CWF19L2: variants seen among roughly 807,000 people sequenced by gnomAD.
The protein encoded by CWF19L2 is CWF19 like cell cycle control factor 2, also known as CWF19-like protein 2.
Under a neutral mutation model 111.7 loss-of-function variants are expected in CWF19L2, and 98 were observed. That is an observed-to-expected ratio of 0.88 (90% confidence interval 0.75 to 1.04). The LOEUF (loss-of-function observed/expected upper bound fraction) is 1.04, where lower values mean the gene tolerates loss of function less well. CWF19L2 is among the 50% of genes least tolerant of loss of function. The probability of loss-of-function intolerance (pLI) is 0.00; values close to 1 mark genes in which losing one functional copy is unlikely to be tolerated. For missense variants in CWF19L2, 1,101 were observed against 1,051.4 expected, an observed-to-expected ratio of 1.05 and a Z score of -0.65; for synonymous variants, 351 against 342.9, an observed-to-expected ratio of 1.02 and a Z score of -0.26.
chr11:107,364,310 G>A (rs2134562699), intron 12 of CWF19L2, among the ~76,000 whole-genome samples: 1 of 145,800 alleles, frequency 6.9e-6, no homozygotes, highest in Non-Finnish European at 1.5e-5. Context: ...ACTCAGCTCT[G>A]CCTCAAGCGG....
Position 107,428,781 on chromosome 11 carries a change from T to TA in CWF19L2, c.1433+17dup, listed in dbSNP as rs777823143. 1.3e-6 allele frequency: 2 copies of TA among 1,574,428 alleles called. No homozygotes were observed. Among genetic ancestry groups the TA allele is most frequent in the South Asian group, 1.2e-5 (1 of 84,892 alleles). ...CTCTCTGGATCTTAACTTATTAGGT[T>TA]AAAAAATGATAAAATACCCAGCAAA... On this transcript the variant is annotated intron_variant, in intron 8 of 17. Coordinates refer to ENST00000282251, the MANE Select transcript of CWF19L2 (RefSeq NM_152434.3).
intron 2 of CWF19L2, 30 bp downstream of exon 2, chr11:107,455,636 C>A: frequency 7.8e-7 from 1 of 1,282,708 alleles, no homozygotes; most frequent in Non-Finnish European, 1.1e-6. Flanking sequence ...GACAGATATC[C>A]TTACATCACG....
At chr11:107,361,307 A>T (rs556713835) in intron 12 of CWF19L2, among the ~76,000 whole-genome samples, 5 of 152,282 alleles carry the variant, frequency 3.3e-5, no homozygotes, top group Non-Finnish European at 7.4e-5. Context: ...TGTTCCATTG[A>T]TCTGGCTGTC....
At chr11:107,391,863 T>C (rs1860852983) in intron 11 of CWF19L2, among the ~76,000 whole-genome samples, 1 of 152,236 alleles carries the variant, frequency 6.6e-6, no homozygotes, top group Admixed American at 6.5e-5. Flanking sequence ...CTTTTCATTA[T>C]ACTCAAAGAG....
intron 12 of CWF19L2, among the ~76,000 whole-genome samples, chr11:107,365,283 C>T (rs1860422062): frequency 7.2e-6 from 1 of 138,496 alleles, no homozygotes; most frequent in Non-Finnish European, 1.6e-5. Context: ...GAAACTATTC[C>T]AATCAATAGA....
intron 9 of CWF19L2, among the ~76,000 whole-genome samples, chr11:107,417,530 A>G (rs80164488): frequency 0.1 from 15,217 of 152,232 alleles, 1,334 homozygotes; most frequent in African/African-American, 0.22. Flanking sequence ...TTGGAAAAGT[A>G]AAAAACATTC....
intron 12 of CWF19L2, among the ~76,000 whole-genome samples, chr11:107,361,901 C>T (rs1020589920): frequency 1.2e-4 from 18 of 152,272 alleles, no homozygotes; most frequent in African/African-American, 3.6e-4. Flanking sequence ...TGTGCATTTC[C>T]ATCTGAGGTA....
intron 10 of CWF19L2, among the ~76,000 whole-genome samples, chr11:107,406,095 T>C (rs1361828666): frequency 1.3e-5 from 2 of 152,200 alleles, no homozygotes; most frequent in Non-Finnish European, 2.9e-5. Context: ...TAGCACTACT[T>C]GTATGTAATA....
At chr11:107,380,875 A>G (rs1178194384) in intron 12 of CWF19L2, among the ~76,000 whole-genome samples, 1 of 152,234 alleles carries the variant, frequency 6.6e-6, no homozygotes, top group Non-Finnish European at 1.5e-5. Context: ...TAATAGAGTT[A>G]TTCAGCCTTA....
intron 12 of CWF19L2, among the ~76,000 whole-genome samples, chr11:107,359,822 T>G (rs375672422): frequency 6.6e-6 from 1 of 151,910 alleles, no homozygotes; most frequent in South Asian, 2.1e-4. Context: ...CTCACCGAAC[T>G]TGAAGTTGAG....
At chr11:107,448,415 C>T (rs1861731989) in intron 3 of CWF19L2, among the ~76,000 whole-genome samples, 1 of 147,372 alleles carries the variant, frequency 6.8e-6, no homozygotes, top group South Asian at 2.2e-4. Context: ...ATATACCCAA[C>T]CCAAGGCATA....
chr11:107,354,046 G>C (rs1253379612), intron 12 of CWF19L2, among the ~76,000 whole-genome samples: 2 of 151,590 alleles, frequency 1.3e-5, no homozygotes, highest in Admixed American at 1.3e-4. Flanking sequence ...GAATCACAGA[G>C]AGGTTTAAAT....
intron 10 of CWF19L2, among the ~76,000 whole-genome samples, chr11:107,410,423 T>C (rs1232270997): frequency 6.6e-6 from 1 of 152,154 alleles, no homozygotes; most frequent in African/African-American, 2.4e-5. Context: ...TTGAACCAGA[T>C]GTGCAAGTGT....
At chr11:107,329,809 A>T in intron 17 of CWF19L2, 109 bp downstream of exon 17, 1 of 664,822 alleles carries the variant, frequency 1.5e-6, no homozygotes, top group Non-Finnish European at 2.5e-6. Flanking sequence ...TGGGTGGAGC[A>T]GTACTCACCA....
rs17106965 is a variant in CWF19L2 at position 107,453,074 on chromosome 11, A to G, written c.339+1376T>C. 9.8e-3 allele frequency among the ~76,000 whole-genome samples: 1,486 copies of G among 152,334 alleles called. 20 individuals are homozygous for G. The highest frequency in any genetic ancestry group is 0.034 in the African/African-American group (1,406 of 41,576). ...AAAAATTAGGATACCAGAAGCACTAAGAAAAAATGATGAAAAACAAAAAAG... is the reference window on the plus strand; with the variant it reads ...AAAAATTAGGATACCAGAAGCACTAGGAAAAAATGATGAAAAACAAAAAAG... On this transcript the variant is annotated intron_variant, in intron 3 of 17. Coordinates refer to ENST00000282251, the MANE Select transcript of CWF19L2 (RefSeq NM_152434.3).
At chr11:107,339,835 T>C (rs758117767) in intron 14 of CWF19L2, among the ~76,000 whole-genome samples, 1 of 151,978 alleles carries the variant, frequency 6.6e-6, no homozygotes, top group Non-Finnish European at 1.5e-5. Context: ...GCCTGGCTAA[T>C]TTTTGTATTT....
intron 8 of CWF19L2, among the ~76,000 whole-genome samples, chr11:107,421,251 T>C (rs904494383): frequency 2.0e-5 from 3 of 152,016 alleles, no homozygotes; most frequent in African/African-American, 7.2e-5. Context: ...TCTGAACTGA[T>C]GGAATGCTGC....
At chr11:107,443,753 C>A (rs1452091861) in intron 3 of CWF19L2, among the ~76,000 whole-genome samples, 1 of 152,188 alleles carries the variant, frequency 6.6e-6, no homozygotes. Context: ...CTAAGTTTCA[C>A]ATTTTGAGAT....
chr11:107,390,741 G>A (rs1249745442), intron 11 of CWF19L2, among the ~76,000 whole-genome samples: 3 of 152,178 alleles, frequency 2.0e-5, no homozygotes. Context: ...TCAGAAATGG[G>A]ATCAGAACCT....
Sources: allele counts gnomAD v4.1 joint callset (sites outside exome capture counted in the v4.1 genomes callset), GRCh38; gene constraint gnomAD v4.1.1; transcripts MANE v1.5; gene names NCBI Gene and HGNC (gene_info 2026-07-23, HGNC 2026-07-21).